Variants in ABCA10 observed in about 807,000 individuals in gnomAD.
ABCA10 encodes the protein ATP binding cassette subfamily A member 10, also known as ATP-binding cassette sub-family A member 10.
ABCA10 carries 169 observed loss-of-function variants against 187.5 expected under a neutral mutation model. That is an observed-to-expected ratio of 0.90 (90% confidence interval 0.80 to 1.02). The LOEUF is 1.02. ABCA10 is among the 50% of genes least tolerant of loss of function. The pLI is 0.00. For synonymous variants in ABCA10, 574 were observed against 601.8 expected (o/e 0.95, Z 0.68); for missense variants, 1,727 against 1,812.4 (o/e 0.95, Z 0.86).
chr17:69,169,908 T>A (rs894626418), intron 25 of ABCA10, among the ~76,000 whole-genome samples: 10 of 152,206 alleles, frequency 6.6e-5, no homozygotes, highest in Non-Finnish European at 1.5e-5. Context: ...CCTCAAAGAT[T>A]TCGTGGCCAT....
chr17:69,219,813 C>T, intron 5 of ABCA10, 42 bp from the exon 6 acceptor site: 1 of 1,308,580 alleles, frequency 7.6e-7, no homozygotes, highest in Non-Finnish European at 1.0e-6. Flanking sequence ...GAACTATAGA[C>T]AAAATATATT....
In ABCA10 at chr17:69,192,553, G is replaced by GA. The variant is rs1568062860; in HGVS notation, c.1871+9dup. 6.3e-7 allele frequency: 1 copy of GA among 1,598,678 alleles called. No individual in the cohort carries two copies. The highest frequency in any genetic ancestry group is 1.7e-5 in the Admixed American group (1 of 59,600). ...GCTCATTTAAAAATAACTACACCTA[G>GA]AATACATACCTTAAATGATATCCAA... On this transcript the variant is annotated intron_variant, in intron 16 of 38. Coordinates refer to ENST00000690296, the MANE Select transcript of ABCA10 (RefSeq NM_001377321.1).
chr17:69,201,311 C>T (rs2074541890), intron 10 of ABCA10, among the ~76,000 whole-genome samples, 189 bp downstream of exon 10: 1 of 152,032 alleles, frequency 6.6e-6, no homozygotes. Flanking sequence ...AATGATAGGT[C>T]TCTTAAATTT....
At chr17:69,156,778 T>G (rs553581635) in intron 28 of ABCA10, 54 bp downstream of exon 28, 1 of 1,103,082 alleles carries the variant, frequency 9.1e-7, no homozygotes, top group Non-Finnish European at 1.2e-6. Flanking sequence ...ATTATAAATT[T>G]AAAAAGACTA....
intron 25 of ABCA10, among the ~76,000 whole-genome samples, chr17:69,172,175 T>C (rs935188694): frequency 1.3e-5 from 2 of 152,068 alleles, no homozygotes; most frequent in African/African-American, 4.8e-5. Flanking sequence ...GTGTTGGAAG[T>C]AATTAAGATA....
chr17:69,237,417 C>A (rs896826517), intron 1 of ABCA10, among the ~76,000 whole-genome samples: 3 of 152,188 alleles, frequency 2.0e-5, no homozygotes, highest in African/African-American at 7.2e-5. Flanking sequence ...CTGAAGCCAA[C>A]AGTTGGCTGA....
chr17:69,219,690 C>G lies in ABCA10; in HGVS notation c.385G>C (p.Gly129Arg). 1.2e-6 allele frequency: 2 copies of G among 1,610,578 alleles called. No homozygotes were observed. Among genetic ancestry groups the G allele is most frequent in the Non-Finnish European group, 1.7e-6 (2 of 1,177,940 alleles). ...TGAAACCATTCATTCATAATTTCTC[C>G]CTTAGAAATGAAAGGTGGTATCTTC... ...NMKIPPFISK[G>R]EIMNEWFHFT... The change falls in exon 6 of 39, where the codon GGA becomes CGA. Residue 129 changes from glycine to arginine, a missense_variant. Coordinates refer to ENST00000690296, the MANE Select transcript of ABCA10 (RefSeq NM_001377321.1).
chr17:69,216,113 G>T, intron 7 of ABCA10, 104 bp downstream of exon 7: 1 of 1,542,322 alleles, frequency 6.5e-7, no homozygotes, highest in Non-Finnish European at 8.8e-7. Flanking sequence ...TAGAAAATAG[G>T]ATAGAAAATA....
chr17:69,199,159 A>C (rs1326559666), intron 10 of ABCA10, among the ~76,000 whole-genome samples: 1 of 152,214 alleles, frequency 6.6e-6, no homozygotes, highest in Non-Finnish European at 1.5e-5. Context: ...TTTCTCTTTC[A>C]TAAGACTCAC....
chr17:69,225,650 A>C (rs1405162559), intron 2 of ABCA10, 121 bp from the exon 3 acceptor site: 3 of 345,544 alleles, frequency 8.7e-6, no homozygotes, highest in Non-Finnish European at 1.6e-5. Flanking sequence ...TTCAGTCTGT[A>C]ATTTTTTTCT....
intron 9 of ABCA10, among the ~76,000 whole-genome samples, chr17:69,208,692 A>G (rs1000098070): frequency 6.6e-6 from 1 of 152,158 alleles, no homozygotes; most frequent in Non-Finnish European, 1.5e-5. Context: ...AAAGGAAGAA[A>G]GCAATGAGAA....
intron 9 of ABCA10, among the ~76,000 whole-genome samples, chr17:69,213,362 T>C (rs183728464): frequency 1.4e-5 from 2 of 147,450 alleles, no homozygotes; most frequent in Admixed American, 1.3e-4. Context: ...GAGCTCAGAC[T>C]TTCCTTGGGT....
At chr17:69,189,500 T>G (rs2074444904) in intron 18 of ABCA10, among the ~76,000 whole-genome samples, 1 of 152,204 alleles carries the variant, frequency 6.6e-6, no homozygotes, top group African/African-American at 2.4e-5. Context: ...TAGTTTCTTT[T>G]GCTGTGCAGA....
intron 20 of ABCA10, 40 bp from the exon 21 acceptor site, chr17:69,182,848 A>G: frequency 6.5e-7 from 1 of 1,541,606 alleles, no homozygotes; most frequent in South Asian, 1.3e-5. Context: ...AAAAAAAAAA[A>G]AAGCAAGAAA....
At chr17:69,234,377 C>T (rs2074850885) in intron 1 of ABCA10, 1 of 152,282 alleles carries the variant, frequency 6.6e-6, no homozygotes, top group Non-Finnish European at 1.5e-5. Context: ...TCTGTTGAGG[C>T]ACTAGTGTAC....
chr17:69,156,944 T>G (rs760959055), intron 27 of ABCA10, 21 bp from the exon 28 acceptor site: 81 of 1,463,074 alleles, frequency 5.5e-5, no homozygotes, highest in Non-Finnish European at 7.3e-5. Context: ...AGAAAAATAA[T>G]CAGAATTAGC....
At chr17:69,240,864 T>G (rs2144870444) in intron 1 of ABCA10, among the ~76,000 whole-genome samples, 1 of 152,360 alleles carries the variant, frequency 6.6e-6, no homozygotes, top group Non-Finnish European at 1.5e-5. Context: ...TTCCTTACTC[T>G]GGGTAAGACC....
Position 69,182,761 on chromosome 17 carries a change from C to G in ABCA10, c.2545G>C (p.Val849Leu), listed in dbSNP as rs376737920. Residue 849 changes from valine (V) to leucine (L), a missense_variant, in exon 21 of 39, where the codon GTT becomes CTT. Val to Leu is a conservative substitution (Grantham distance 32). Transcript: ENST00000690296. ...TTTCTAAAGTCATCTATTTCCAAAACTATATCCTGACACTTCAGTGAATGC... is the reference window on the plus strand; with the variant it reads ...TTTCTAAAGTCATCTATTTCCAAAAGTATATCCTGACACTTCAGTGAATGC... The part of the protein sequence containing the change: ...LVHSLKCQDI[V>L]LEIDDFRNRN... The G allele has an allele frequency of 8.1e-6, 13 of 1,610,706 alleles. No individual in the cohort carries two copies. In the African/African-American group the frequency reaches 1.5e-4, roughly 18 times the overall value.
chr17:69,175,714 A>G (rs2074329688), intron 22 of ABCA10: 1 of 413,704 alleles, frequency 2.4e-6, no homozygotes, highest in Non-Finnish European at 4.3e-6. Context: ...GAAATTCAAA[A>G]TCTCAATTTT....
Sources: gnomAD v4.1 joint callset for allele counts (sites outside exome capture counted in the v4.1 genomes callset) on GRCh38, gnomAD v4.1.1 for gene constraint, MANE v1.5 for transcripts, NCBI Gene and HGNC (gene_info 2026-07-23, HGNC 2026-07-21) for gene names.